Variants in TNFSF4 observed in about 807,000 individuals in gnomAD.
TNFSF4 encodes tumor necrosis factor ligand superfamily member 4.
Under a neutral mutation model 7.3 loss-of-function variants are expected in TNFSF4, and 4 were observed. That is an observed-to-expected ratio of 0.55 (90% CI 0.27 to 1.25). TNFSF4 has a LOEUF of 1.25. TNFSF4 is among the 50% of genes most tolerant of loss of function. TNFSF4 has a pLI of 0.12. For missense variants in TNFSF4, 181 were observed against 208.8 expected (o/e 0.87, Z 0.82); for synonymous variants, 76 against 83.7 (o/e 0.91, Z 0.50).
At chr1:173,392,436 A>G in the TNFSF4 span, among the ~76,000 whole-genome samples, 2 of 152,176 alleles carry the variant, frequency 1.3e-5, no homozygotes, top group African/African-American at 4.8e-5. Flanking sequence ...GCATTACATC[A>G]TTATTTTTAG....
chr1:173,219,026 T>A, the TNFSF4 span, among the ~76,000 whole-genome samples: 1 of 152,174 alleles, frequency 6.6e-6, no homozygotes, highest in Non-Finnish European at 1.5e-5. Context: ...AATTCTTTTT[T>A]TTTCATGGAA....
At chr1:173,390,816 G>T in the TNFSF4 span, among the ~76,000 whole-genome samples, 6 of 144,604 alleles carry the variant, frequency 4.1e-5, no homozygotes, top group Non-Finnish European at 8.9e-5. Flanking sequence ...CACAATATCG[G>T]CTCACTACAA....
At chr1:173,200,592 T>A (rs1649902221) in intron 1 of TNFSF4, among the ~76,000 whole-genome samples, 1 of 152,220 alleles carries the variant, frequency 6.6e-6, no homozygotes, top group African/African-American at 2.4e-5. Flanking sequence ...AATACATGTT[T>A]TATGACTTAT....
At chr1:173,294,725 A>G in the TNFSF4 span, among the ~76,000 whole-genome samples, 8 of 152,070 alleles carry the variant, frequency 5.3e-5, no homozygotes, top group African/African-American at 1.7e-4. Flanking sequence ...GGGGCAAACA[A>G]TAGAGAAAAA....
At chr1:173,405,818 G>A in the TNFSF4 span, among the ~76,000 whole-genome samples, 1 of 152,218 alleles carries the variant, frequency 6.6e-6, no homozygotes, top group Non-Finnish European at 1.5e-5. Context: ...TTTCCAGCAT[G>A]AGCATTGGAT....
At chr1:173,272,452 A>G in the TNFSF4 span, among the ~76,000 whole-genome samples, 2 of 152,030 alleles carry the variant, frequency 1.3e-5, no homozygotes, top group Non-Finnish European at 2.9e-5. Flanking sequence ...AAGATTAGGA[A>G]ACAAAAAGAA....
chr1:173,299,101 A>T, the TNFSF4 span, among the ~76,000 whole-genome samples: 1 of 151,932 alleles, frequency 6.6e-6, no homozygotes, highest in Admixed American at 6.6e-5. Flanking sequence ...TAATTTTTAA[A>T]TATTGTAGTG....
At chr1:173,400,988 CCTT>C in the TNFSF4 span, among the ~76,000 whole-genome samples, 1 of 151,980 alleles carries the variant, frequency 6.6e-6, no homozygotes, top group Admixed American at 6.6e-5. Context: ...ATTATTTCCT[CCTT>C]ATTTTGTTAT....
the TNFSF4 span, among the ~76,000 whole-genome samples, chr1:173,334,314 T>C: frequency 5.3e-5 from 8 of 152,142 alleles, no homozygotes; most frequent in Non-Finnish European, 1.0e-4. Context: ...TAACCACTTA[T>C]AAGAAGCAAG....
chr1:173,377,358 CT>C, the TNFSF4 span, among the ~76,000 whole-genome samples: 8 of 152,188 alleles, frequency 5.3e-5, no homozygotes, highest in African/African-American at 1.9e-4. Context: ...GAAAAGGGCT[CT>C]CTAACAACCC....
At chr1:173,289,308 C>T in the TNFSF4 span, among the ~76,000 whole-genome samples, 411 of 152,132 alleles carry the variant, frequency 2.7e-3, 1 homozygote, top group Admixed American at 4.6e-3. Flanking sequence ...AGAGACACAG[C>T]GCTCACATAA....
the TNFSF4 span, among the ~76,000 whole-genome samples, chr1:173,234,508 C>T: frequency 6.6e-6 from 1 of 152,090 alleles, no homozygotes; most frequent in Non-Finnish European, 1.5e-5. Flanking sequence ...ATGTTTATTG[C>T]AGCACTATTC....
chr1:173,378,605 T>C, the TNFSF4 span, among the ~76,000 whole-genome samples: 1 of 152,104 alleles, frequency 6.6e-6, no homozygotes, highest in Non-Finnish European at 1.5e-5. Flanking sequence ...GAGGGAAGTA[T>C]AAATTACAAT....
the TNFSF4 span, among the ~76,000 whole-genome samples, chr1:173,443,195 A>G: frequency 3.9e-5 from 6 of 152,340 alleles, no homozygotes; most frequent in South Asian, 1.2e-3. Flanking sequence ...ATGAGAAAGA[A>G]TAAGTCAGAA....
At chr1:173,306,545 T>C in the TNFSF4 span, among the ~76,000 whole-genome samples, 2 of 151,940 alleles carry the variant, frequency 1.3e-5, no homozygotes, top group Admixed American at 6.6e-5. Flanking sequence ...AGTTGTTTCT[T>C]TCCTGGAGTG....
chr1:173,420,006 T>C, the TNFSF4 span, among the ~76,000 whole-genome samples: 2 of 152,150 alleles, frequency 1.3e-5, no homozygotes, highest in Admixed American at 1.3e-4. Context: ...CCTCATGATA[T>C]ATTTATGCAT....
the TNFSF4 span, among the ~76,000 whole-genome samples, chr1:173,328,970 C>T: frequency 6.6e-6 from 1 of 152,146 alleles, no homozygotes; most frequent in Non-Finnish European, 1.5e-5. Context: ...TTGAAAATTG[C>T]CTTCTATGTA....
chr1:173,347,899 A>C, the TNFSF4 span, among the ~76,000 whole-genome samples: 1 of 152,194 alleles, frequency 6.6e-6, no homozygotes, highest in African/African-American at 2.4e-5. Flanking sequence ...CCCTTCTTTC[A>C]AGTGTGACAA....
chr1:173,427,081 T>C, the TNFSF4 span, among the ~76,000 whole-genome samples: 6 of 152,224 alleles, frequency 3.9e-5, no homozygotes, highest in Non-Finnish European at 8.8e-5. Flanking sequence ...TGATAATAAA[T>C]TTGTATTGTT....
Sources: allele counts gnomAD v4.1 joint callset (sites outside exome capture counted in the v4.1 genomes callset), GRCh38; gene constraint gnomAD v4.1.1; transcripts MANE v1.5; gene names NCBI Gene and HGNC (gene_info 2026-07-23, HGNC 2026-07-21).